The following CDK13 variants were observed in gnomAD, a reference collection of about 807,000 sequenced individuals.
CDK13 encodes the protein cyclin-dependent kinase 13.
A neutral mutation model predicts 137.6 loss-of-function variants in CDK13; 40 were observed. The ratio of observed to expected loss-of-function variants is 0.29; its 90% CI spans 0.23 to 0.38. CDK13 has a LOEUF of 0.38. CDK13 is among the 10% of genes least tolerant of loss of function. The pLI, the probability that CDK13 is intolerant of heterozygous loss-of-function variation, is 1.00. For synonymous variants in CDK13, 869 were observed against 760.1 expected, an observed-to-expected ratio of 1.14 and a Z score of -2.36; for missense variants, 1,704 against 1,951.8, an observed-to-expected ratio of 0.87 and a Z score of 2.39.
chr7:40,081,841 A>T (rs888111370), intron 11 of CDK13, among the ~76,000 whole-genome samples: 30 of 152,180 alleles, frequency 2.0e-4, no homozygotes, highest in Non-Finnish European at 1.5e-5. Flanking sequence ...CGAACTCCAG[A>T]CCTCAGGTGA....
chr7:39,958,515 A>G (rs926323478), intron 1 of CDK13, among the ~76,000 whole-genome samples: 3 of 152,178 alleles, frequency 2.0e-5, no homozygotes, highest in African/African-American at 4.8e-5. Context: ...AGACTTTTTT[A>G]TGCATATATG....
At chr7:39,966,886 C>G (rs1277058398) in intron 1 of CDK13, among the ~76,000 whole-genome samples, 3 of 152,144 alleles carry the variant, frequency 2.0e-5, no homozygotes, top group Non-Finnish European at 4.4e-5. Flanking sequence ...ACTCCAGACC[C>G]TGTTTGCCTG....
In CDK13 at chr7:39,951,704, C is replaced by T. The variant is rs758235150; in HGVS notation, c.1063C>T (p.Leu355=). 3.1e-5 allele frequency: 45 copies of T among 1,470,052 alleles called. No individual in the cohort carries two copies. The highest frequency in any genetic ancestry group is 2.0e-4 in the Middle Eastern group (1 of 4,908). The allele number at this position is 1,470,052 out of a possible 1,614,324, so 91.1% of individuals were successfully genotyped here. ...GGGSSPYSRR[L]PRSPSPYSRR... is the part of the protein sequence containing the mutation. ...TGGCAGCAGCCCCTATTCTCGGCGG[C>T]TGCCGCGCTCCCCGAGCCCCTACAG... Residue 355 remains leucine (L), a synonymous_variant, in exon 1 of 14, where the codon CTG becomes TTG. Coordinates refer to ENST00000181839, the MANE Select transcript of CDK13 (RefSeq NM_003718.5).
At chr7:40,000,899 T>G (rs1380234784) in intron 4 of CDK13, among the ~76,000 whole-genome samples, 1 of 152,204 alleles carries the variant, frequency 6.6e-6, no homozygotes, top group Admixed American at 6.5e-5. Flanking sequence ...CGTGTATGTG[T>G]GTATATTTCA....
At chr7:39,971,490 C>G (rs1391088322) in intron 1 of CDK13, among the ~76,000 whole-genome samples, 1 of 152,024 alleles carries the variant, frequency 6.6e-6, no homozygotes, top group Non-Finnish European at 1.5e-5. Context: ...ACACTCCAGC[C>G]TGGGCAACAG....
At chr7:40,022,522 A>G (rs1785148716) in intron 5 of CDK13, among the ~76,000 whole-genome samples, 1 of 152,030 alleles carries the variant, frequency 6.6e-6, no homozygotes, top group Non-Finnish European at 1.5e-5. Context: ...TGTAACAAAT[A>G]TTTGTTGAGC....
intron 5 of CDK13, among the ~76,000 whole-genome samples, chr7:40,044,528 A>G (rs1157749054): frequency 6.6e-6 from 1 of 151,960 alleles, no homozygotes; most frequent in African/African-American, 2.4e-5. Flanking sequence ...CATGTTGCCC[A>G]GGCTGGTTTC....
rs142783756 is a variant in CDK13, at chr7:39,978,309, A to G, written c.1212-9290A>G. Among the ~76,000 whole-genome samples, 400 of 152,356 alleles carry G rather than the reference A, an allele frequency of 2.6e-3. 3 individuals are homozygous for G. Among genetic ancestry groups the G allele is most frequent in the African/African-American group, 8.9e-3 (372 of 41,586 alleles). On this transcript the variant is annotated intron_variant, in intron 1 of 13. Transcript: ENST00000181839. Reference sequence around the variant, plus strand: ...ATAATTGCAGCAGAGAGAGACTTTTAAGGTTGTAGCCAACATTATCACAGA... The same window carrying G: ...ATAATTGCAGCAGAGAGAGACTTTTGAGGTTGTAGCCAACATTATCACAGA...
At chr7:40,041,385 T>C (rs993812693) in intron 5 of CDK13, among the ~76,000 whole-genome samples, 1 of 152,218 alleles carries the variant, frequency 6.6e-6, no homozygotes, top group African/African-American at 2.4e-5. Context: ...ATTATTTCAG[T>C]ATGTAATCAA....
At chr7:39,982,262 G>A (rs1160434537) in intron 1 of CDK13, among the ~76,000 whole-genome samples, 49 of 150,908 alleles carry the variant, frequency 3.2e-4, no homozygotes, top group African/African-American at 1.1e-3. Context: ...GAGAACATGC[G>A]GTGTTTGGTT....
chr7:39,984,303 C>T (rs926666582), intron 1 of CDK13: 1 of 151,712 alleles, frequency 6.6e-6, no homozygotes, highest in African/African-American at 2.4e-5. Flanking sequence ...CCCAGCTACT[C>T]AGGAAGCTGA....
At chr7:40,044,374 A>G (rs28374865) in intron 5 of CDK13, among the ~76,000 whole-genome samples, 16,990 of 150,438 alleles carry the variant, frequency 0.11, 3,138 homozygotes, top group African/African-American at 0.39. Context: ...GCTGGAGTAC[A>G]GTGGCTCAAT....
rs765134202 is a variant in CDK13 at position 40,094,574 on chromosome 7, A to C, written c.4133A>C (p.Asp1378Ala). Reference protein sequence around the residue: ...FIGNSDIQSLDNYSTASSHSG... With the variant: ...FIGNSDIQSLANYSTASSHSG... ...GGAAATTCAGATATTCAGTCTTTGG[A>C]TAACTACAGTACTGCTTCATCTCAT... Residue 1378 changes from aspartate (D) to alanine (A), a missense_variant, in exon 14 of 14, where the codon GAT becomes GCT. By Grantham distance (126) the Asp-to-Ala change is moderately radical. This residue lies in a region of CDK13 where 475 missense variants were observed against 579.3 expected (regional missense o/e 0.82). Coordinates refer to ENST00000181839, the MANE Select transcript of CDK13 (RefSeq NM_003718.5). 5 of 1,612,558 alleles carry C rather than the reference A, an allele frequency of 3.1e-6. No homozygotes were observed. The highest frequency in any genetic ancestry group is 4.2e-6 in the Non-Finnish European group (5 of 1,179,270).
rs1787480312 is a variant in CDK13 at position 39,958,143 on chromosome 7, T to G, written c.1211+6291T>G. On this transcript the variant is annotated intron_variant, in intron 1 of 13. Transcript: ENST00000181839. Reference sequence around the variant, plus strand: ...ATTGATGTACATTAGAGGATAAATATAGGTAAAACTGGAATGTAAGTAAAA... The same window carrying G: ...ATTGATGTACATTAGAGGATAAATAGAGGTAAAACTGGAATGTAAGTAAAA... Among the ~76,000 whole-genome samples, 3 of 152,260 alleles carry G rather than the reference T, an allele frequency of 2.0e-5. No homozygotes were observed. In the South Asian group the frequency reaches 6.2e-4, roughly 32 times the overall value.
In CDK13 at chr7:40,022,995, C is replaced by T. The variant is rs1257155899; in HGVS notation, c.2353+20964C>T. ...GCAATTGTTGCAGCCCTTAGTTTTACAGTCAGAACTGTTAAATCTTGTTTC... is the reference window on the plus strand; with the variant it reads ...GCAATTGTTGCAGCCCTTAGTTTTATAGTCAGAACTGTTAAATCTTGTTTC... On this transcript the variant is annotated intron_variant, in intron 5 of 13. Transcript: ENST00000181839. Among the ~76,000 whole-genome samples, 3 of 151,636 alleles carry T rather than the reference C, an allele frequency of 2.0e-5. No homozygotes were observed. In the East Asian group the frequency reaches 5.8e-4, roughly 29 times the overall value.
intron 5 of CDK13, among the ~76,000 whole-genome samples, chr7:40,013,649 T>C (rs1784942718): frequency 6.6e-6 from 1 of 152,286 alleles, no homozygotes; most frequent in Admixed American, 6.5e-5. Flanking sequence ...CGTGTGAGGT[T>C]TCTTTCTAGG....
intron 7 of CDK13, 170 bp from the exon 8 acceptor site, chr7:40,062,656 T>C: frequency 1.6e-6 from 1 of 627,066 alleles, no homozygotes; most frequent in East Asian, 2.7e-5. Context: ...CTCACATACA[T>C]TTTATGATCT....
intron 1 of CDK13, among the ~76,000 whole-genome samples, chr7:39,973,995 T>C (rs1375339060): frequency 6.6e-6 from 1 of 152,246 alleles, no homozygotes; most frequent in East Asian, 1.9e-4. Context: ...GATTTTGCAG[T>C]AATTTTTGAA....
At chr7:39,960,113 A>G (rs1236030980) in intron 1 of CDK13, among the ~76,000 whole-genome samples, 1 of 145,088 alleles carries the variant, frequency 6.9e-6, no homozygotes, top group African/African-American at 2.6e-5. Flanking sequence ...TGGTCCATAC[A>G]TTTATCTTGG....
Sources: allele counts gnomAD v4.1 joint callset (sites outside exome capture counted in the v4.1 genomes callset), GRCh38; gene constraint gnomAD v4.1.1; regional missense constraint gnomAD v4.1.1; transcripts MANE v1.5; gene names NCBI Gene and HGNC (gene_info 2026-07-23, HGNC 2026-07-21).